CAPN3: variants seen among roughly 807,000 people sequenced by gnomAD.
CAPN3 encodes the protein calpain-3.
A neutral mutation model predicts 114.0 loss-of-function variants in CAPN3; 88 were observed. That is an observed-to-expected ratio of 0.77 (90% CI 0.65 to 0.92). The LOEUF (loss-of-function observed/expected upper bound fraction) is 0.92. Ranked by LOEUF, CAPN3 falls within the 40% of genes least tolerant of loss-of-function variation. CAPN3 has a pLI of 0.00. For missense variants in CAPN3, 1,028 were observed against 1,069.0 expected, an observed-to-expected ratio of 0.96 and a Z score of 0.53; for synonymous variants, 386 against 382.9, an observed-to-expected ratio of 1.01 and a Z score of -0.09.
intron 11 of CAPN3, 146 bp from the exon 12 acceptor site, chr15:42,401,978 A>G (rs760477845): frequency 2.3e-6 from 3 of 1,293,876 alleles, no homozygotes; most frequent in East Asian, 2.3e-5. Flanking sequence ...CAGGGGGGGC[A>G]TTAGAGAGGC....
rs778476064 is a variant in CAPN3 at position 42,390,003 on chromosome 15, G to T, written c.852G>T (p.Gly284=). The change falls in exon 6 of 24, where the codon GGG becomes GGT. Residue 284 remains glycine, a synonymous_variant. Coordinates refer to ENST00000397163, the MANE Select transcript of CAPN3 (RefSeq NM_000070.3). Reference sequence around the variant, plus strand: ...CCTCTCCTTCTGGTCTGAACATGGGGGAGTTGATTGCACGGATGGTAAGGA... The same window carrying T: ...CCTCTCCTTCTGGTCTGAACATGGGTGAGTTGATTGCACGGATGGTAAGGA... The part of the protein sequence containing the change: ...YGTSPSGLNM[G]ELIARMVRNM... 6.2e-7 allele frequency: 1 copy of T among 1,614,088 alleles called. No homozygotes were observed. The highest frequency in any genetic ancestry group is 1.1e-5 in the South Asian group (1 of 91,082).
intron 1 of CAPN3, among the ~76,000 whole-genome samples, chr15:42,375,808 TATA>T (rs1404776115): frequency 6.6e-6 from 1 of 152,180 alleles, no homozygotes; most frequent in African/African-American, 2.4e-5. Context: ...CCAGTGTTAA[TATA>T]TTATTATTAG....
intron 9 of CAPN3, among the ~76,000 whole-genome samples, chr15:42,397,552 G>A (rs894315320): frequency 4.6e-5 from 7 of 151,778 alleles, no homozygotes; most frequent in African/African-American, 1.7e-4. Flanking sequence ...GCTGAGGCAG[G>A]AGAATCACTT....
chr15:42,361,825 G>T (rs2052651513), intron 1 of CAPN3, among the ~76,000 whole-genome samples: 1 of 152,208 alleles, frequency 6.6e-6, no homozygotes, highest in Admixed American at 6.5e-5. Flanking sequence ...CTGCTCTGTA[G>T]TTCCAAGTCT....
At chr15:42,398,142 T>C (rs1315072522) in intron 9 of CAPN3, among the ~76,000 whole-genome samples, 1 of 152,130 alleles carries the variant, frequency 6.6e-6, no homozygotes. Flanking sequence ...GGGGTACATA[T>C]GTACCCATAT....
At chr15:42,409,688 A>AT in intron 17 of CAPN3, 99 bp from the exon 18 acceptor site, 1 of 1,122,136 alleles carries the variant, frequency 8.9e-7, no homozygotes, top group Non-Finnish European at 1.4e-6. Context: ...ACCGACAGGG[A>AT]TTTTACAAAC....
At chr15:42,385,109 G>A (rs371704760) in intron 2 of CAPN3, among the ~76,000 whole-genome samples, 4 of 152,162 alleles carry the variant, frequency 2.6e-5, no homozygotes, top group Non-Finnish European at 5.9e-5. Context: ...CCTCTCTCTC[G>A]ACCTCTTGTT....
intron 1 of CAPN3, among the ~76,000 whole-genome samples, chr15:42,362,124 C>T (rs902405395): frequency 3.9e-5 from 6 of 152,152 alleles, no homozygotes; most frequent in African/African-American, 1.4e-4. Context: ...CCTAAAAGCC[C>T]TTTCTTGGGC....
chr15:42,389,964 C>G lies in CAPN3; in HGVS notation c.813C>G (p.Asn271Lys), dbSNP rs765292152. The G allele has an allele frequency of 8.1e-6, 13 of 1,614,146 alleles. No individual in the cohort carries two copies. Among genetic ancestry groups the G allele is most frequent in the Non-Finnish European group, 1.1e-5 (13 of 1,180,030 alleles). ...LMGCSIDDGT[N>K]MTYGTSPSGL... is the part of the protein sequence containing the mutation. ...CCATCGGGCCTCAGGATGGCACGAA[C>G]ATGACCTATGGAACCTCTCCTTCTG... The change falls in exon 6 of 24, where the codon AAC (asparagine) becomes AAG (lysine). Residue 271 changes from asparagine to lysine, a missense_variant. Coordinates refer to ENST00000397163, the MANE Select transcript of CAPN3 (RefSeq NM_000070.3).
chr15:42,401,938 C>T lies in CAPN3; in HGVS notation c.1524+128C>T. The T allele has an allele frequency of 2.3e-6, 3 of 1,319,586 alleles. No individual in the cohort carries two copies. In the South Asian group the frequency reaches 3.6e-5, roughly 16 times the overall value. 81.7% of individuals were successfully genotyped at this position (1,319,586 alleles called of 1,614,324 possible). A position where few individuals can be genotyped will look rare whatever the true frequency, so the allele number is the denominator to read the frequency against. Reference sequence around the variant, plus strand: ...ACCCACAGAGCTCCTGGTATCAGGACCACTTGTGTTTGTAACAAGCAAAAA... The same window carrying T: ...ACCCACAGAGCTCCTGGTATCAGGATCACTTGTGTTTGTAACAAGCAAAAA... On this transcript the variant is annotated intron_variant, in intron 11 of 23. Transcript: ENST00000397163.
rs570287769 is a variant in CAPN3, at chr15:42,380,974, C to G, written c.310-3509C>G. The stretch of plus-strand genomic sequence containing the variant: ...AGAGTTTCCAGTATACGTTTTCAAC[C>G]AAGTCCACCCTCAAATAACACTATA... On this transcript the variant is annotated intron_variant, in intron 1 of 23. Transcript: ENST00000397163. Among the ~76,000 whole-genome samples the G allele has an allele frequency of 2.2e-4, 34 of 151,708 alleles. 1 individual carries two copies. In the East Asian group the frequency reaches 6.4e-3, roughly 28 times the overall value.
Position 42,411,984 on chromosome 15 carries a change from G to C in CAPN3, c.*211G>C, listed in dbSNP as rs112661890. ...ACCCTTTAGTAAAGCAATGAGGTAG[G>C]AAGAACAAACCCTTGTCCCTTTGCC... On this transcript the variant is annotated 3_prime_UTR_variant, in exon 24 of 24. Coordinates refer to ENST00000397163, the MANE Select transcript of CAPN3 (RefSeq NM_000070.3). 2 of 1,509,950 alleles carry C rather than the reference G, an allele frequency of 1.3e-6. No homozygotes were observed. Among genetic ancestry groups the C allele is most frequent in the South Asian group, 2.6e-5 (2 of 76,832 alleles). 93.5% of individuals were successfully genotyped at this position (1,509,950 alleles called of 1,614,324 possible).
At chr15:42,409,270 C>T in intron 16 of CAPN3, 33 bp from the exon 17 acceptor site, 1 of 1,609,352 alleles carries the variant, frequency 6.2e-7, no homozygotes, top group Non-Finnish European at 8.5e-7. Flanking sequence ...ACCTCTGACC[C>T]CTGTGAACCA....
Position 42,411,737 on chromosome 15 carries a change from C to G in CAPN3, c.2440-10C>G. Reference sequence around the variant, plus strand: ...TCTGATCTACATTCTGATCTTGGGACTTCTTTCAGTGGCTGCAGCTCACCA... The same window carrying G: ...TCTGATCTACATTCTGATCTTGGGAGTTCTTTCAGTGGCTGCAGCTCACCA... On this transcript the variant is annotated splice_polypyrimidine_tract_variant and intron_variant, in intron 23 of 23. Coordinates refer to ENST00000397163, the MANE Select transcript of CAPN3 (RefSeq NM_000070.3). The G allele has an allele frequency of 7.8e-7, 1 of 1,277,060 alleles. No individual in the cohort carries two copies. Among genetic ancestry groups the G allele is most frequent in the Admixed American group, 1.8e-5 (1 of 54,986 alleles). The allele number at this position is 1,277,060 out of a possible 1,614,324, so 79.1% of individuals were successfully genotyped here.
intron 4 of CAPN3, among the ~76,000 whole-genome samples, chr15:42,388,554 G>A (rs571345276): frequency 1.3e-5 from 2 of 152,238 alleles, no homozygotes; most frequent in African/African-American, 4.8e-5. Context: ...CAATCCACCA[G>A]CCTTGGCCTC....
In CAPN3 at chr15:42,387,898, T is replaced by G. The variant is rs758845197; in HGVS notation, c.632+12T>G. 3.1e-6 allele frequency: 5 copies of G among 1,613,990 alleles called. No homozygotes were observed. The highest frequency in any genetic ancestry group is 3.3e-5 in the Admixed American group (2 of 59,990). On this transcript the variant is annotated intron_variant, in intron 4 of 23. Transcript: ENST00000397163. ...AAGGCTTATGCTAAGTAAGCAACACTTTAGAATGTGAGGTGGGGCTAGAGG... is the reference window on the plus strand; with the variant it reads ...AAGGCTTATGCTAAGTAAGCAACACGTTAGAATGTGAGGTGGGGCTAGAGG...
Position 42,403,865 on chromosome 15 carries a change from C to T in CAPN3, c.1782+88C>T. ...GACAGATGGTGCAGGGGAGAATGGG[C>T]ACTGGCAGAGGGAATGGGAGTCTGG... On this transcript the variant is annotated intron_variant, in intron 14 of 23. Coordinates refer to ENST00000397163, the MANE Select transcript of CAPN3 (RefSeq NM_000070.3). The T allele has an allele frequency of 5.9e-6, 7 of 1,188,128 alleles. No homozygotes were observed. In the South Asian group the frequency reaches 6.1e-5, roughly 10 times the overall value. The allele number at this position is 1,188,128 out of a possible 1,614,324, so 73.6% of individuals were successfully genotyped here.
At chr15:42,372,803 G>T (rs977575047) in intron 1 of CAPN3, among the ~76,000 whole-genome samples, 2 of 146,950 alleles carry the variant, frequency 1.4e-5, no homozygotes, top group Admixed American at 1.4e-4. Context: ...AGCCGAGATC[G>T]TGCCACTGCA....
intron 14 of CAPN3, among the ~76,000 whole-genome samples, chr15:42,405,248 G>A (rs1489846413): frequency 1.3e-5 from 2 of 152,090 alleles, no homozygotes; most frequent in Non-Finnish European, 2.9e-5. Flanking sequence ...TCCATTGTTA[G>A]GTCAGTTTGA....
Sources: gnomAD v4.1 joint callset for allele counts (sites outside exome capture counted in the v4.1 genomes callset) on GRCh38, gnomAD v4.1.1 for gene constraint, MANE v1.5 for transcripts, NCBI Gene and HGNC (gene_info 2026-07-23, HGNC 2026-07-21) for gene names.